AREL1: variants seen among roughly 807,000 people sequenced by gnomAD.
AREL1 encodes the protein apoptosis-resistant E3 ubiquitin protein ligase 1.
Under a neutral mutation model 99.0 loss-of-function variants are expected in AREL1, and 62 were observed. The ratio of observed to expected loss-of-function variants is 0.63; its 90% CI spans 0.51 to 0.77. AREL1 has a LOEUF of 0.77. Among genes scored for constraint, AREL1 ranks in the 30% least tolerant of loss-of-function variants. The pLI is 0.00. For missense variants in AREL1, 879 were observed against 1,027.6 expected (o/e 0.86, Z 1.98); for synonymous variants, 380 against 376.5 (o/e 1.01, Z -0.11).
chr14:74,664,490 G>A (rs2089166186), intron 18 of AREL1, among the ~76,000 whole-genome samples: 1 of 113,008 alleles, frequency 8.8e-6, no homozygotes, highest in African/African-American at 3.5e-5. Context: ...GTCTCGCTCT[G>A]TCACCCAGGC....
chr14:74,665,119 A>G (rs777354060), intron 17 of AREL1, among the ~76,000 whole-genome samples, 194 bp from the exon 18 acceptor site: 8 of 152,186 alleles, frequency 5.3e-5, no homozygotes, highest in Non-Finnish European at 1.2e-4. Flanking sequence ...GTTGCTAACC[A>G]GTGGGTAAAA....
intron 9 of AREL1, 135 bp from the exon 10 acceptor site, chr14:74,673,353 A>C: frequency 1.2e-6 from 1 of 824,398 alleles, no homozygotes; most frequent in Non-Finnish European, 1.8e-6. Flanking sequence ...TACCAGAAAT[A>C]CATTTCATTA....
chr14:74,694,721 G>A (rs1054945316), intron 1 of AREL1, among the ~76,000 whole-genome samples: 1 of 151,918 alleles, frequency 6.6e-6, no homozygotes, highest in African/African-American at 2.4e-5. Context: ...TGGGCACGGT[G>A]GCTCACGCCT....
rs781490197 is a variant in AREL1, at chr14:74,661,299, C to A, written c.*2421G>T. 2.2e-6 allele frequency: 1 copy of A among 456,212 alleles called. No homozygotes were observed. The highest frequency in any genetic ancestry group is 2.4e-5 in the Admixed American group (1 of 42,536). 28.3% of individuals were successfully genotyped at this position (456,212 alleles called of 1,614,324 possible). A position where few individuals can be genotyped will look rare whatever the true frequency, so the allele number is the denominator to read the frequency against. Reference sequence around the variant, plus strand: ...TATCTACTGTACAAAATATTTACATCATCAGCTGCAACTGCCTGGCCCTTT... The same window carrying A: ...TATCTACTGTACAAAATATTTACATAATCAGCTGCAACTGCCTGGCCCTTT... On this transcript the variant is annotated 3_prime_UTR_variant, in exon 20 of 20. Transcript: ENST00000356357.
At position 74,684,522 on chromosome 14, in the gene AREL1, AC is replaced by A; in HGVS notation, c.174del (p.Ser59LeufsTer40). ...TTCCAATCCCAGGAGACTTTGCAAG[AC>A]CGGGGATCCAGGTAATTTCCCCGCA... ...DYVRGNYLDP[R>X]SCKVSWDWKD... On this transcript the variant is annotated frameshift_variant, in exon 4 of 20. Coordinates refer to ENST00000356357, the MANE Select transcript of AREL1 (RefSeq NM_001039479.2). LOFTEE classifies it high-confidence loss of function. 6.2e-7 allele frequency: 1 copy of A among 1,614,120 alleles called. No homozygotes were observed.
intron 1 of AREL1, among the ~76,000 whole-genome samples, chr14:74,710,838 C>T (rs1254542756): frequency 1.3e-5 from 2 of 152,202 alleles, no homozygotes; most frequent in South Asian, 4.1e-4. Context: ...CCCAAATCAA[C>T]AGAAGAAATC....
intron 14 of AREL1, 33 bp from the exon 15 acceptor site, chr14:74,669,807 G>C (rs2089290306): frequency 4.3e-6 from 7 of 1,612,336 alleles, no homozygotes; most frequent in Non-Finnish European, 4.2e-6. Context: ...AACAGAACAT[G>C]AATACTCTTG....
rs76310139 is a variant in AREL1, at chr14:74,685,446, T to C, written c.16+154A>G. Among the ~76,000 whole-genome samples the C allele has an allele frequency of 9.5e-4, 144 of 152,268 alleles. No homozygotes were observed. The East Asian group carries it at 0.024, about 25-fold the overall frequency. ...TAATTGCTCAATAAACCCAAATGAATGAATTCCAATGCCAACTCTGTGAAG... is the reference window on the plus strand; with the variant it reads ...TAATTGCTCAATAAACCCAAATGAACGAATTCCAATGCCAACTCTGTGAAG... On this transcript the variant is annotated intron_variant, in intron 3 of 19. Transcript: ENST00000356357.
intron 11 of AREL1, chr14:74,672,137 C>T (rs1043286428): frequency 4.5e-5 from 16 of 355,922 alleles, no homozygotes; most frequent in Non-Finnish European, 8.8e-5. Flanking sequence ...ATTCAACAAG[C>T]GCTCTATTCC....
At chr14:74,701,981 C>T (rs1341814358) in intron 1 of AREL1, among the ~76,000 whole-genome samples, 3 of 152,224 alleles carry the variant, frequency 2.0e-5, no homozygotes, top group Non-Finnish European at 2.9e-5. Flanking sequence ...GTCACGCTGA[C>T]ACAAGAGGTG....
intron 5 of AREL1, among the ~76,000 whole-genome samples, chr14:74,677,037 G>A (rs1036670394): frequency 4.6e-5 from 7 of 151,898 alleles, no homozygotes; most frequent in African/African-American, 1.7e-4. Flanking sequence ...CTGACCTCCT[G>A]ATCCGCCCGC....
intron 15 of AREL1, among the ~76,000 whole-genome samples, chr14:74,669,417 G>A (rs1306198042): frequency 2.0e-5 from 3 of 152,180 alleles, no homozygotes; most frequent in Admixed American, 2.0e-4. Context: ...AGCATAGGAT[G>A]CAATGTCCTA....
At chr14:74,668,715 G>T (rs1266803570) in intron 15 of AREL1, among the ~76,000 whole-genome samples, 1 of 151,942 alleles carries the variant, frequency 6.6e-6, no homozygotes, top group Non-Finnish European at 1.5e-5. Flanking sequence ...CAGTATAGTG[G>T]TACCAATGGT....
At chr14:74,677,350 A>G (rs935390014) in intron 5 of AREL1, among the ~76,000 whole-genome samples, 1 of 151,892 alleles carries the variant, frequency 6.6e-6, no homozygotes, top group African/African-American at 2.4e-5. Context: ...AATAAAAATT[A>G]GCCAGGCATG....
intron 1 of AREL1, among the ~76,000 whole-genome samples, chr14:74,708,315 A>G (rs1335818513): frequency 6.6e-6 from 1 of 152,170 alleles, no homozygotes; most frequent in African/African-American, 2.4e-5. Flanking sequence ...TGTCTCCCTA[A>G]TCATTGCCCC....
intron 1 of AREL1, among the ~76,000 whole-genome samples, chr14:74,697,536 G>T (rs191950557): frequency 1.4e-3 from 216 of 152,224 alleles, no homozygotes; most frequent in Middle Eastern, 3.4e-3. Context: ...CACCATAAAA[G>T]ATTGCCCTCC....
At position 74,684,615 on chromosome 14, in the gene AREL1, G is replaced by A; in HGVS notation, c.82C>T (p.Arg28Cys). ...TCATTCTGGAGGAAGCTGACTACACGTGCGGCAAGCTCAAAGAGGAACTTA... is the reference window on the plus strand; with the variant it reads ...TCATTCTGGAGGAAGCTGACTACACATGCGGCAAGCTCAAAGAGGAACTTA... The part of the protein sequence containing the change: ...TIKFLFELAA[R>C]VVSFLQNEDR... The change falls in exon 4 of 20, where the codon CGT (arginine) becomes TGT (cysteine). Residue 28 changes from arginine to cysteine, a missense_variant. Transcript: ENST00000356357. The A allele has an allele frequency of 1.2e-6, 2 of 1,614,166 alleles. No homozygotes were observed. Among genetic ancestry groups the A allele is most frequent in the Non-Finnish European group, 1.7e-6 (2 of 1,180,024 alleles).
rs202071581 is a variant in AREL1, at chr14:74,673,098, G to A, written c.1279C>T (p.Arg427Cys). 2,035 of 1,614,122 alleles carry A rather than the reference G, an allele frequency of 1.3e-3. 5 individuals carry two copies. The highest frequency in any genetic ancestry group is 7.2e-3 in the South Asian group (660 of 91,078). Residue 427 changes from arginine (R) to cysteine (C), a missense_variant, in exon 10 of 20, where the codon CGC becomes TGC. Coordinates refer to ENST00000356357, the MANE Select transcript of AREL1 (RefSeq NM_001039479.2). ...TCACCTATGTTCTTATGCAGGGAGC[G>A]GATAAAAGTGGCTGCTAGAATGTTC... is the stretch of plus-strand genomic sequence containing the variant. Reference protein sequence around the residue: ...ERNILAATFIRSLHKNIGGSE... With the variant: ...ERNILAATFICSLHKNIGGSE...
At chr14:74,700,977 C>T (rs945202518) in intron 1 of AREL1, among the ~76,000 whole-genome samples, 1 of 152,138 alleles carries the variant, frequency 6.6e-6, no homozygotes, top group African/African-American at 2.4e-5. Context: ...AGATAAGGGG[C>T]TACTGGTCCA....
Sources: allele counts gnomAD v4.1 joint callset (sites outside exome capture counted in the v4.1 genomes callset), GRCh38; gene constraint gnomAD v4.1.1; transcripts MANE v1.5; gene names NCBI Gene and HGNC (gene_info 2026-07-23, HGNC 2026-07-21).